Variants in ERGIC1 observed in about 807,000 individuals in gnomAD.
The protein encoded by ERGIC1 is endoplasmic reticulum-golgi intermediate compartment 1, also known as endoplasmic reticulum-Golgi intermediate compartment protein 1.
In ERGIC1, 19 loss-of-function variants were observed where a neutral mutation model predicts 38.3. The observed-to-expected ratio is 0.50, with a 90% CI of 0.35 to 0.73. The LOEUF (loss-of-function observed/expected upper bound fraction) is 0.73. Among genes scored for constraint, ERGIC1 ranks in the 30% least tolerant of loss-of-function variants. ERGIC1 has a pLI of 0.01. For missense variants in ERGIC1, 294 were observed against 389.2 expected (o/e 0.76, Z 2.06); for synonymous variants, 124 against 157.6 (o/e 0.79, Z 1.60).
chr5:172,911,171 G>A (rs916115796), intron 4 of ERGIC1, among the ~76,000 whole-genome samples: 2 of 152,138 alleles, frequency 1.3e-5, no homozygotes, highest in Non-Finnish European at 2.9e-5. Flanking sequence ...GTGCATCTCC[G>A]GCCAGAGATA....
At chr5:172,950,650 C>G in intron 9 of ERGIC1, 59 bp from the exon 10 acceptor site, 1 of 1,508,594 alleles carries the variant, frequency 6.6e-7, no homozygotes, top group Non-Finnish European at 9.1e-7. Context: ...GGGGTCTGGC[C>G]TGGTTCATCC....
intron 3 of ERGIC1, chr5:172,905,370 G>T (rs934033116): frequency 1.8e-5 from 8 of 452,238 alleles, no homozygotes; most frequent in Non-Finnish European, 3.3e-5. Flanking sequence ...GCATTTGGCT[G>T]TAGGGAGGCC....
chr5:172,845,369 G>A (rs1228360601), intron 1 of ERGIC1, among the ~76,000 whole-genome samples: 3 of 152,190 alleles, frequency 2.0e-5, no homozygotes, highest in African/African-American at 4.8e-5. Flanking sequence ...CCCTGCCGGG[G>A]GAGCCAGGAA....
chr5:172,906,956 G>A (rs1763043339), intron 3 of ERGIC1, among the ~76,000 whole-genome samples: 2 of 152,166 alleles, frequency 1.3e-5, no homozygotes, highest in African/African-American at 4.8e-5. Context: ...CCTCCTGCTG[G>A]TCCTGTTCCT....
intron 1 of ERGIC1, among the ~76,000 whole-genome samples, chr5:172,862,117 G>A (rs571163537): frequency 2.6e-5 from 4 of 151,174 alleles, no homozygotes; most frequent in South Asian, 2.1e-4. Flanking sequence ...TCAGCCTCCC[G>A]AGTAGCTGGG....
intron 9 of ERGIC1, among the ~76,000 whole-genome samples, chr5:172,948,317 G>T (rs527333143): frequency 6.6e-6 from 1 of 152,286 alleles, no homozygotes; most frequent in South Asian, 2.1e-4. Flanking sequence ...ATAAACACTG[G>T]TTTGATTCGC....
intron 1 of ERGIC1, among the ~76,000 whole-genome samples, chr5:172,876,555 T>C (rs1410630730): frequency 6.6e-6 from 1 of 152,196 alleles, no homozygotes; most frequent in African/African-American, 2.4e-5. Flanking sequence ...CAATCACGGC[T>C]GTTATTAAAA....
At chr5:172,882,785 C>T (rs1762316660) in intron 1 of ERGIC1, among the ~76,000 whole-genome samples, 1 of 152,156 alleles carries the variant, frequency 6.6e-6, no homozygotes, top group Non-Finnish European at 1.5e-5. Context: ...CTACCCCTGT[C>T]CCCATGCCCA....
At position 172,834,901 on chromosome 5, in the gene ERGIC1, G is replaced by A. The variant is rs1760997443; in HGVS notation, c.20+468G>A. ...CCTGCCGGCAGCTGGAGGGTTTTAA[G>A]TTTCTATAGCCTGAGGCTCCCCCAG... On this transcript the variant is annotated intron_variant, in intron 1 of 9. Coordinates refer to ENST00000393784, the MANE Select transcript of ERGIC1 (RefSeq NM_001031711.3). This position sits in a 1 kb window ranked among gnomAD's most constrained non-coding sequence, Gnocchi z 4.1. 6.6e-6 allele frequency among the ~76,000 whole-genome samples: 1 copy of A among 152,144 alleles called. No individual in the cohort carries two copies. Among genetic ancestry groups the A allele is most frequent in the Non-Finnish European group, 1.5e-5 (1 of 68,006 alleles).
intron 2 of ERGIC1, among the ~76,000 whole-genome samples, chr5:172,891,884 T>C (rs1762568244): frequency 6.6e-6 from 1 of 152,198 alleles, no homozygotes; most frequent in African/African-American, 2.4e-5. Context: ...CATTCTTCTT[T>C]CCAGCTGTGT....
intron 1 of ERGIC1, among the ~76,000 whole-genome samples, chr5:172,853,819 T>C (rs993851971): frequency 2.0e-5 from 3 of 152,242 alleles, no homozygotes; most frequent in Non-Finnish European, 4.4e-5. Context: ...AGCTGTGAGC[T>C]GGAGAGAGTG....
chr5:172,908,857 C>T lies in ERGIC1; in HGVS notation c.156-810C>T, dbSNP rs1193324919. Among the ~76,000 whole-genome samples, 5 of 152,284 alleles carry T rather than the reference C, an allele frequency of 3.3e-5. No homozygotes were observed. In the East Asian group the frequency reaches 7.7e-4, roughly 24 times the overall value. ...TTTCTCAGAACCGGTTCTGCCCCTA[C>T]GGATGGGCATCAGGGAATTCCTGGC... On this transcript the variant is annotated intron_variant, in intron 3 of 9. Transcript: ENST00000393784.
At chr5:172,838,185 A>G (rs1365297929) in intron 1 of ERGIC1, among the ~76,000 whole-genome samples, 2 of 152,202 alleles carry the variant, frequency 1.3e-5, no homozygotes, top group African/African-American at 2.4e-5. Flanking sequence ...AGTGTGATCA[A>G]TGCACACTTG....
Position 172,926,838 on chromosome 5 carries a change from C to T in ERGIC1, c.541+269C>T. ...ATACCAGCTATTACCATTATTGTTG[C>T]TCTCATCACAGCCACATCATCATCC... On this transcript the variant is annotated intron_variant, in intron 7 of 9. Coordinates refer to ENST00000393784, the MANE Select transcript of ERGIC1 (RefSeq NM_001031711.3). The surrounding 1 kb of genome is among the most constrained non-coding windows in gnomAD (Gnocchi z 5.2). 4.0e-6 allele frequency: 2 copies of T among 494,472 alleles called. No individual in the cohort carries two copies. The highest frequency in any genetic ancestry group is 2.4e-5 in the South Asian group (1 of 42,400). The allele number at this position is 494,472 out of a possible 1,614,324, so 30.6% of individuals were successfully genotyped here.
At chr5:172,854,780 C>T (rs11953119) in intron 1 of ERGIC1, among the ~76,000 whole-genome samples, 3,943 of 152,374 alleles carry the variant, frequency 0.026, 162 homozygotes, top group African/African-American at 0.089. Flanking sequence ...AGTGTATGTA[C>T]AGCTCACATG....
chr5:172,946,971 G>T (rs930694322), intron 9 of ERGIC1, among the ~76,000 whole-genome samples: 19 of 151,804 alleles, frequency 1.3e-4, no homozygotes, highest in Non-Finnish European at 2.4e-4. Context: ...ATCACTTGAG[G>T]TCAGGGGTTC....
chr5:172,900,189 C>T (rs1581555690), intron 3 of ERGIC1, among the ~76,000 whole-genome samples: 1 of 152,122 alleles, frequency 6.6e-6, no homozygotes, highest in Non-Finnish European at 1.5e-5. Context: ...GCAGGTGGGG[C>T]CCCACCCGCA....
intron 2 of ERGIC1, among the ~76,000 whole-genome samples, chr5:172,891,606 AT>A (rs1400988317): frequency 2.0e-5 from 3 of 151,666 alleles, no homozygotes; most frequent in Non-Finnish European, 4.4e-5. Context: ...TGCCAAGCTA[AT>A]TTTTGTATTT....
At chr5:172,887,227 C>A (rs1335255005) in intron 1 of ERGIC1, among the ~76,000 whole-genome samples, 1 of 152,194 alleles carries the variant, frequency 6.6e-6, no homozygotes, top group Non-Finnish European at 1.5e-5. Flanking sequence ...CAGCCTGTCA[C>A]CCCCAAGGGC....
Sources: gnomAD v4.1 joint callset for allele counts (sites outside exome capture counted in the v4.1 genomes callset) on GRCh38, gnomAD v4.1.1 for gene constraint, Gnocchi (gnomAD v3.1) non-coding constraint, MANE v1.5 for transcripts, NCBI Gene and HGNC (gene_info 2026-07-23, HGNC 2026-07-21) for gene names.